CPA6: variants seen among roughly 807,000 people sequenced by gnomAD.
CPA6 encodes carboxypeptidase A6, also known as carboxypeptidase B.
Under a neutral mutation model 63.3 loss-of-function variants are expected in CPA6, and 58 were observed. The observed-to-expected ratio is 0.92, with a 90% CI of 0.74 to 1.14. The LOEUF is 1.14. CPA6 is among the 50% of genes most tolerant of loss of function. The probability of loss-of-function intolerance (pLI) is 0.00; values close to 1 mark genes in which losing one functional copy is unlikely to be tolerated. For missense variants in CPA6, 565 were observed against 526.6 expected, an observed-to-expected ratio of 1.07 and a Z score of -0.71; for synonymous variants, 185 against 179.0, an observed-to-expected ratio of 1.03 and a Z score of -0.27.
At chr8:67,581,072 G>C (rs1813759079) in intron 2 of CPA6, among the ~76,000 whole-genome samples, 1 of 152,148 alleles carries the variant, frequency 6.6e-6, no homozygotes, top group African/African-American at 2.4e-5. Context: ...TATCCATGTT[G>C]ACGAGGGATG....
chr8:67,515,263 C>T (rs550019809), intron 3 of CPA6, among the ~76,000 whole-genome samples: 7 of 152,158 alleles, frequency 4.6e-5, no homozygotes, highest in Non-Finnish European at 8.8e-5. Flanking sequence ...TTCTCTATCT[C>T]ATCTCATTAA....
intron 1 of CPA6, among the ~76,000 whole-genome samples, chr8:67,641,568 CT>C (rs923626495): frequency 2.2e-4 from 33 of 152,238 alleles, no homozygotes; most frequent in African/African-American, 7.0e-4. Context: ...AAGGTATAAG[CT>C]AAAAAAGAGC....
intron 8 of CPA6, among the ~76,000 whole-genome samples, chr8:67,447,506 TACACACACACAC>T (rs56840320): frequency 6.0e-4 from 86 of 142,658 alleles, no homozygotes; most frequent in East Asian, 1.9e-3. Flanking sequence ...TATGTGTGTA[TACACACACACAC>T]ACACACACAC....
At chr8:67,711,698 C>T (rs1043462640) in intron 1 of CPA6, among the ~76,000 whole-genome samples, 1 of 148,626 alleles carries the variant, frequency 6.7e-6, no homozygotes, top group Admixed American at 6.6e-5. Flanking sequence ...CACACACACA[C>T]ACACACACAC....
intron 2 of CPA6, among the ~76,000 whole-genome samples, chr8:67,544,726 G>A (rs1812776787): frequency 1.3e-5 from 2 of 152,172 alleles, no homozygotes; most frequent in South Asian, 4.1e-4. Context: ...GATTGCAGAT[G>A]TAATTCGCTG....
intron 2 of CPA6, among the ~76,000 whole-genome samples, chr8:67,518,503 T>C (rs1275267394): frequency 7.7e-6 from 1 of 129,878 alleles, no homozygotes; most frequent in East Asian, 2.2e-4. Context: ...CTTTTTCTTT[T>C]CTTTTCTTTT....
chr8:67,727,820 T>C (rs999827858), intron 1 of CPA6, among the ~76,000 whole-genome samples: 1 of 152,178 alleles, frequency 6.6e-6, no homozygotes, highest in African/African-American at 2.4e-5. Flanking sequence ...GGCTCATGCC[T>C]GTAATCCCAG....
chr8:67,464,730 C>G (rs1810887583), intron 8 of CPA6, among the ~76,000 whole-genome samples: 1 of 152,198 alleles, frequency 6.6e-6, no homozygotes, highest in African/African-American at 2.4e-5. Context: ...CTGCATATGG[C>G]TAGCCAGCTA....
chr8:67,677,283 T>G (rs1358283978), intron 1 of CPA6, among the ~76,000 whole-genome samples: 1 of 151,878 alleles, frequency 6.6e-6, no homozygotes, highest in Non-Finnish European at 1.5e-5. Flanking sequence ...CAGCAGCTAC[T>G]CCACTGCCTA....
intron 1 of CPA6, among the ~76,000 whole-genome samples, chr8:67,632,893 G>A (rs533618193): frequency 6.6e-6 from 1 of 152,098 alleles, no homozygotes; most frequent in South Asian, 2.1e-4. Context: ...TATTTGAAAA[G>A]AATATCTTTC....
chr8:67,596,106 AT>A (rs968696467), intron 2 of CPA6, among the ~76,000 whole-genome samples: 1 of 152,084 alleles, frequency 6.6e-6, no homozygotes, highest in African/African-American at 2.4e-5. Context: ...ACAATCTTTA[AT>A]TTTTGGGAAT....
At chr8:67,474,650 C>T (rs58637111) in intron 8 of CPA6, among the ~76,000 whole-genome samples, 10,256 of 152,094 alleles carry the variant, frequency 0.067, 809 homozygotes, top group African/African-American at 0.19. Flanking sequence ...AGGAGAACAC[C>T]TAAAACAACA....
chr8:67,642,831 T>C (rs1815626159), intron 1 of CPA6, among the ~76,000 whole-genome samples: 1 of 100,960 alleles, frequency 9.9e-6, no homozygotes, highest in South Asian at 3.8e-4. Context: ...ACACTCCAAG[T>C]CAAAATGGAT....
At chr8:67,443,067 CTT>C (rs113694942) in intron 8 of CPA6, among the ~76,000 whole-genome samples, 22 of 145,340 alleles carry the variant, frequency 1.5e-4, no homozygotes, top group African/African-American at 2.3e-4. Flanking sequence ...CTAGCCTATT[CTT>C]TTTTTTTTTT....
At chr8:67,607,894 T>A (rs1429036985) in intron 2 of CPA6, among the ~76,000 whole-genome samples, 1 of 152,188 alleles carries the variant, frequency 6.6e-6, no homozygotes, top group Non-Finnish European at 1.5e-5. Flanking sequence ...AAAAACAATA[T>A]AATGACTGAA....
At chr8:67,465,778 C>T (rs1810911964) in intron 8 of CPA6, among the ~76,000 whole-genome samples, 1 of 152,150 alleles carries the variant, frequency 6.6e-6, no homozygotes, top group Non-Finnish European at 1.5e-5. Context: ...ATATGTTAAA[C>T]CAAACTTGCA....
chr8:67,623,406 A>G (rs1815125140), intron 2 of CPA6, among the ~76,000 whole-genome samples: 1 of 151,548 alleles, frequency 6.6e-6, no homozygotes, highest in Non-Finnish European at 1.5e-5. Flanking sequence ...CAGATAGAAA[A>G]TTTTCTTTTT....
chr8:67,588,434 C>T (rs971592582), intron 2 of CPA6, among the ~76,000 whole-genome samples: 1 of 151,876 alleles, frequency 6.6e-6, no homozygotes, highest in Non-Finnish European at 1.5e-5. Context: ...TATGTTTTTG[C>T]ATTTTGATTA....
intron 1 of CPA6, among the ~76,000 whole-genome samples, chr8:67,737,938 T>C (rs1320162036): frequency 2.6e-5 from 4 of 152,210 alleles, no homozygotes; most frequent in Non-Finnish European, 4.4e-5. Context: ...CTTCCTCATA[T>C]ATTGTAAAAA....
Sources: allele counts gnomAD v4.1 joint callset (sites outside exome capture counted in the v4.1 genomes callset), GRCh38; gene constraint gnomAD v4.1.1; transcripts MANE v1.5; gene names NCBI Gene and HGNC (gene_info 2026-07-23, HGNC 2026-07-21).